Variants in NOTCH3 observed in about 807,000 individuals in gnomAD.
NOTCH3 encodes the protein notch receptor 3.
In NOTCH3, 86 loss-of-function variants were observed where a neutral mutation model predicts 213.3. That is an observed-to-expected ratio of 0.40 (90% CI 0.34 to 0.48). The LOEUF (loss-of-function observed/expected upper bound fraction) is 0.48. Among genes scored for constraint, NOTCH3 ranks in the 20% least tolerant of loss-of-function variants. The pLI, the probability that NOTCH3 is intolerant of heterozygous loss-of-function variation, is 0.57. For missense variants in NOTCH3, 2,783 were observed against 3,272.6 expected (o/e 0.85, Z 3.65); for synonymous variants, 1,354 against 1,355.9 (o/e 1.00, Z 0.03).
rs115666328 is a variant in NOTCH3 at position 15,162,739 on chromosome 19, A to G, written c.5816-177T>C. Among the ~76,000 whole-genome samples, 698 of 148,294 alleles carry G rather than the reference A, an allele frequency of 4.7e-3. 5 individuals are homozygous for G. The highest frequency in any genetic ancestry group is 0.017 in the African/African-American group (673 of 39,932). On this transcript the variant is annotated intron_variant, in intron 31 of 32. Transcript: ENST00000263388. ...GCAAATCTGCAAAATGACTCTGTGC[A>G]ATGGGGAAGCACTTTGTGTCTGTGT...
chr19:15,179,354 C>T lies in NOTCH3; in HGVS notation c.3460+10G>A. 6.2e-7 allele frequency: 1 copy of T among 1,614,024 alleles called. No individual in the cohort carries two copies. Among genetic ancestry groups the T allele is most frequent in the Non-Finnish European group, 8.5e-7 (1 of 1,180,028 alleles). On this transcript the variant is annotated intron_variant, in intron 21 of 32. Transcript: ENST00000263388. ...CTCATCCTGTCCCCCCAACCCTGGC[C>T]CTGGCATACCCAGCGTTCCTGGGGG...
At position 15,165,842 on chromosome 19, in the gene NOTCH3, G is replaced by A. The variant is rs1366489708; in HGVS notation, c.5612C>T (p.Ser1871Leu). 2.5e-6 allele frequency: 4 copies of A among 1,613,960 alleles called. No individual in the cohort carries two copies. The highest frequency in any genetic ancestry group is 2.2e-5 in the East Asian group (1 of 44,880). Reference sequence around the variant, plus strand: ...AGCTGTGTGCAGGGGAGTGCGGCCTGAGTGGTCCTGGGCATTGGTGTCTGC... The same window carrying A: ...AGCTGTGTGCAGGGGAGTGCGGCCTAAGTGGTCCTGGGCATTGGTGTCTGC... ...AGADTNAQDH[S>L]GRTPLHTAVT... Residue 1871 changes from serine to leucine, a missense_variant, in exon 30 of 33, where the codon TCA becomes TTA. By Grantham distance (145) the Ser-to-Leu change is moderately radical. This residue lies in a region of NOTCH3 where 636 missense variants were observed against 801.8 expected (regional missense o/e 0.79). Coordinates refer to ENST00000263388, the MANE Select transcript of NOTCH3 (RefSeq NM_000435.3). This position sits in a 1 kb window ranked among gnomAD's most constrained non-coding sequence, Gnocchi z 4.7.
At position 15,181,611 on chromosome 19, in the gene NOTCH3, G is replaced by A. The variant is rs769137168; in HGVS notation, c.2757C>T (p.Phe919=). The part of the protein sequence containing the change: ...TCTCPPGYGG[F]HCEQDLPDCS... ...AGTCGGGCAGGTCCTGTTCGCAGTG[G>A]AAGCCTCCGTAGCCTGGCGGGCAGG... Residue 919 remains phenylalanine (F), a synonymous_variant, in exon 17 of 33, where the codon TTC becomes TTT. Transcript: ENST00000263388. 25 of 1,550,726 alleles carry A rather than the reference G, an allele frequency of 1.6e-5. 1 individual carries two copies. The East Asian group carries it at 6.1e-4, about 38-fold the overall frequency.
chr19:15,198,784 G>A lies in NOTCH3; in HGVS notation c.119-1206C>T, dbSNP rs528218295. 3.9e-5 allele frequency among the ~76,000 whole-genome samples: 6 copies of A among 152,168 alleles called. No individual in the cohort carries two copies. The South Asian group carries it at 8.3e-4, about 21-fold the overall frequency. On this transcript the variant is annotated intron_variant, in intron 1 of 32. Transcript: ENST00000263388. ...AAATTAGCTGGGTGTGGTGGCGCAC[G>A]CCTGTAGTCCCAGCTACTCGGGAGG... is the stretch of plus-strand genomic sequence containing the variant.
intron 25 of NOTCH3, among the ~76,000 whole-genome samples, chr19:15,173,057 T>TCCCCC (rs1568351218): frequency 7.5e-4 from 1 of 1,326 alleles, no homozygotes; most frequent in African/African-American, 5.4e-3. Context: ...CTCCTCCCTC[T>TCCCCC]TCTTCTTCTT....
rs2046643972 is a variant in NOTCH3 at position 15,161,565 on chromosome 19, C to A, written c.6063G>T (p.Val2021=). The A allele has an allele frequency of 2.5e-6, 4 of 1,609,766 alleles. No individual in the cohort carries two copies. The highest frequency in any genetic ancestry group is 4.5e-5 in the East Asian group (2 of 44,740). ...VAQERLHQDI[V]RLLDQPSGPR... ...GCCCACTGGGTTGATCCAGCAAGCG[C>A]ACGATGTCCTGGTGCAGTCTCTCCT... The change falls in exon 33 of 33, where the codon GTG becomes GTT. Residue 2021 remains valine, a synonymous_variant. Transcript: ENST00000263388.
intron 23 of NOTCH3, chr19:15,178,375 T>C (rs2046810184): frequency 2.2e-6 from 1 of 463,320 alleles, no homozygotes; most frequent in South Asian, 2.9e-5. Context: ...CTCCAGGAAA[T>C]GTCGGGGCAG....
At chr19:15,175,183 G>A (rs1027936535) in intron 24 of NOTCH3, among the ~76,000 whole-genome samples, 1 of 152,126 alleles carries the variant, frequency 6.6e-6, no homozygotes, top group Non-Finnish European at 1.5e-5. Flanking sequence ...GGTGAAGACA[G>A]ATAGTAAGGG....
rs769161256 is a variant in NOTCH3, at chr19:15,192,476, G to T, written c.241C>A (p.Pro81Thr). The T allele has an allele frequency of 6.2e-7, 1 of 1,608,758 alleles. No individual in the cohort carries two copies. Residue 81 changes from proline to threonine, a missense_variant, in exon 3 of 33, where the codon CCC becomes ACC. Around this residue, in one of 6 missense-constraint regions of NOTCH3, gnomAD observed 708 missense variants for 906.6 expected, o/e 0.78. Coordinates refer to ENST00000263388, the MANE Select transcript of NOTCH3 (RefSeq NM_000435.3). ...WVGERCQLED[P>T]CHSGPCAGRG... is the part of the protein sequence containing the mutation. ...CCAGCACAGGGGCCTGAGTGACAGG[G>T]GTCCTCCAGCTGACACCGCTCACCC...
chr19:15,162,627 G>T, intron 31 of NOTCH3, 65 bp from the exon 32 acceptor site: 2 of 1,252,562 alleles, frequency 1.6e-6, no homozygotes, highest in African/African-American at 1.5e-5. Context: ...TGTCAGGGAG[G>T]CAGAAATTGT....
Position 15,179,210 on chromosome 19 carries a change from T to G in NOTCH3, c.3533A>C (p.His1178Pro). The change falls in exon 22 of 33, where the codon CAC (histidine) becomes CCC (proline). Residue 1178 changes from histidine to proline, a missense_variant. By Grantham distance (77) the His-to-Pro change is moderately conservative. This residue lies in a region of NOTCH3 where 861 missense variants were observed against 909.1 expected (regional missense o/e 0.95). Coordinates refer to ENST00000263388, the MANE Select transcript of NOTCH3 (RefSeq NM_000435.3). ...PPLDSGPRCL[H>P]NGTCVDLVGG... The stretch of plus-strand genomic sequence containing the variant: ...CACCAGGTCCACGCAGGTGCCATTG[T>G]GTAGGCACCGGGGCCCTGAGTCCAG... 1 of 1,614,058 alleles carries G rather than the reference T, an allele frequency of 6.2e-7. No individual in the cohort carries two copies. Among genetic ancestry groups the G allele is most frequent in the Non-Finnish European group, 8.5e-7 (1 of 1,180,004 alleles).
rs1431635936 is a variant in NOTCH3, at chr19:15,160,850, G to A, written c.6778C>T (p.Pro2260Ser). 6.2e-7 allele frequency: 1 copy of A among 1,613,964 alleles called. No homozygotes were observed. The highest frequency in any genetic ancestry group is 1.7e-5 in the Admixed American group (1 of 60,016). ...TCGGACCAGTCTGAGAGGGAGGGAG[G>A]TGAGGGGCTGGCCCAGTGCTCAGGG... ...ESPEHWASPSPPSLSDWSEST... is the reference protein window; with the variant it reads ...ESPEHWASPSSPSLSDWSEST... Residue 2260 changes from proline (P) to serine (S), a missense_variant, in exon 33 of 33, where the codon CCT becomes TCT. By Grantham distance (74) the Pro-to-Ser change is moderately conservative. Transcript: ENST00000263388.
At chr19:15,184,836 A>AG in intron 15 of NOTCH3, 70 bp downstream of exon 15, 1 of 913,194 alleles carries the variant, frequency 1.1e-6, no homozygotes, top group Non-Finnish European at 1.7e-6. Flanking sequence ...CTGGATCCCC[A>AG]GCATCATCCC....
At chr19:15,177,442 G>A in intron 24 of NOTCH3, 83 bp downstream of exon 24, 1 of 1,288,436 alleles carries the variant, frequency 7.8e-7, no homozygotes, top group South Asian at 1.3e-5. Context: ...TGGATGGGCA[G>A]GTGGAAAGAG....
intron 16 of NOTCH3, among the ~76,000 whole-genome samples, chr19:15,183,892 A>C (rs1167260981): frequency 1.3e-5 from 2 of 151,998 alleles, no homozygotes. Flanking sequence ...CTCTACAAAA[A>C]ACACAAAATA....
At chr19:15,190,142 C>T (rs777508000) in intron 6 of NOTCH3, among the ~76,000 whole-genome samples, 36 of 152,010 alleles carry the variant, frequency 2.4e-4, no homozygotes, top group South Asian at 4.2e-4. Flanking sequence ...GGCATGGTGG[C>T]GCACGCCTGT....
chr19:15,186,731 T>C (rs576920187), intron 12 of NOTCH3, 147 bp downstream of exon 12: 140 of 738,426 alleles, frequency 1.9e-4, no homozygotes, highest in Middle Eastern at 1.8e-3. Flanking sequence ...AACAACCTTA[T>C]GCCAATGAGA....
chr19:15,181,104 G>C lies in NOTCH3; in HGVS notation c.2851C>G (p.Arg951Gly), dbSNP rs775964142. The part of the protein sequence containing the change: ...DGVNSFSCLC[R>G]PGYTGAHCQH... ...CAGTGGGCTCCTGTGTAGCCGGGAC[G>C]GCACAGGCAGCTGAACGAGTTCACG... Residue 951 changes from arginine (R) to glycine (G), a missense_variant, in exon 18 of 33, where the codon CGT becomes GGT. Around this residue, in one of 6 missense-constraint regions of NOTCH3, gnomAD observed 861 missense variants for 909.1 expected, o/e 0.95. Transcript: ENST00000263388. 1 of 1,609,692 alleles carries C rather than the reference G, an allele frequency of 6.2e-7. No individual in the cohort carries two copies. The highest frequency in any genetic ancestry group is 2.2e-5 in the East Asian group (1 of 44,762).
In NOTCH3 at chr19:15,180,228, C is replaced by T. The variant is rs569728292; in HGVS notation, c.3171G>A (p.Ala1057=). The T allele has an allele frequency of 1.1e-5, 17 of 1,613,654 alleles. No homozygotes were observed. Among genetic ancestry groups the T allele is most frequent in the Non-Finnish European group, 1.4e-5 (16 of 1,180,022 alleles). ...TGTCTTCATCCACACACTGCCCACC[C>T]GCCTGACACAGCTGCTCCAGCCGCA... is the stretch of plus-strand genomic sequence containing the variant. ...IGVRLEQLCQ[A]GGQCVDEDSS... The change falls in exon 20 of 33, where the codon GCG becomes GCA. Residue 1057 remains alanine (A), a synonymous_variant. Transcript: ENST00000263388.
Sources: gnomAD v4.1 joint callset for allele counts (sites outside exome capture counted in the v4.1 genomes callset) on GRCh38, gnomAD v4.1.1 for gene constraint, gnomAD v4.1.1 regional missense constraint, Gnocchi (gnomAD v3.1) non-coding constraint, MANE v1.5 for transcripts, NCBI Gene and HGNC (gene_info 2026-07-23, HGNC 2026-07-21) for gene names.